The following ASAH2 variants were observed in gnomAD, a reference collection of about 807,000 sequenced individuals.
The protein encoded by ASAH2 is neutral ceramidase.
In ASAH2, 58 loss-of-function variants were observed where a neutral mutation model predicts 82.9. The observed-to-expected ratio is 0.70, with a 90% CI of 0.57 to 0.87. ASAH2 has a LOEUF of 0.87. Ranked by LOEUF, ASAH2 falls within the 40% of genes least tolerant of loss-of-function variation. The pLI is 0.00. For synonymous variants in ASAH2, 276 were observed against 289.7 expected (o/e 0.95, Z 0.48); for missense variants, 779 against 834.0 (o/e 0.93, Z 0.81).
At chr10:50,209,570 A>G (rs1294956699) in intron 12 of ASAH2, among the ~76,000 whole-genome samples, 1 of 151,974 alleles carries the variant, frequency 6.6e-6, no homozygotes, top group Non-Finnish European at 1.5e-5. Context: ...GGTGGTCTCA[A>G]TTTCCTGACC....
At chr10:50,225,622 G>A (rs1223930057) in intron 7 of ASAH2, among the ~76,000 whole-genome samples, 4 of 152,126 alleles carry the variant, frequency 2.6e-5, no homozygotes, top group African/African-American at 9.7e-5. Flanking sequence ...AGATTGGCAA[G>A]AGTATGACAA....
At chr10:50,197,309 T>C (rs1332294644) in intron 17 of ASAH2, among the ~76,000 whole-genome samples, 1 of 151,678 alleles carries the variant, frequency 6.6e-6, no homozygotes, top group African/African-American at 2.4e-5. Context: ...ATTGAGCCAC[T>C]CTCACCTGGA....
chr10:50,198,335 T>A (rs1845046242), intron 17 of ASAH2: 1 of 152,132 alleles, frequency 6.6e-6, no homozygotes, highest in South Asian at 2.1e-4. Flanking sequence ...CATAAACAAC[T>A]GCATCCAAAG....
Position 50,233,243 on chromosome 10 carries a change from G to T in ASAH2, c.834C>A (p.Asp278Glu). 1 of 1,610,800 alleles carries T rather than the reference G, an allele frequency of 6.2e-7. No homozygotes were observed. The highest frequency in any genetic ancestry group is 8.5e-7 in the Non-Finnish European group (1 of 1,177,302). The change falls in exon 7 of 21, where the codon GAC (aspartate) becomes GAA (glutamate). Residue 278 changes from aspartate to glutamate, a missense_variant. By Grantham distance (45) the Asp-to-Glu change is conservative (BLOSUM62 2). Coordinates refer to ENST00000682911, the MANE Select transcript of ASAH2 (RefSeq NM_019893.4). Reference protein sequence around the residue: ...SERARYSSNTDKEMIVLKMVD... With the variant: ...SERARYSSNTEKEMIVLKMVD... Reference sequence around the variant, plus strand: ...CCATTTTCAAAACTATCATTTCCTTGTCTGTATTTGAAGAATACCTAGTCA... The same window carrying T: ...CCATTTTCAAAACTATCATTTCCTTTTCTGTATTTGAAGAATACCTAGTCA...
chr10:50,233,162 T>G, intron 7 of ASAH2, 22 bp downstream of exon 7: 1 of 1,555,026 alleles, frequency 6.4e-7, no homozygotes, highest in Non-Finnish European at 8.9e-7. Flanking sequence ...ACAGAATTAT[T>G]TTTAAAAAGG....
chr10:50,219,383 C>G (rs1300623722), intron 7 of ASAH2, among the ~76,000 whole-genome samples: 1 of 152,136 alleles, frequency 6.6e-6, no homozygotes, highest in Admixed American at 6.5e-5. Context: ...CCCAGAGAAG[C>G]AAAATAATGG....
At chr10:50,246,208 G>C (rs1372882452) in intron 2 of ASAH2, among the ~76,000 whole-genome samples, 1 of 152,094 alleles carries the variant, frequency 6.6e-6, no homozygotes, top group East Asian at 1.9e-4. Context: ...AACTGCCTGG[G>C]TTTGAAACCT....
chr10:50,236,494 A>T (rs1846162311), intron 4 of ASAH2, among the ~76,000 whole-genome samples: 1 of 152,136 alleles, frequency 6.6e-6, no homozygotes, highest in Non-Finnish European at 1.5e-5. Context: ...GATTATGGTA[A>T]CTAAAACTCA....
intron 16 of ASAH2, among the ~76,000 whole-genome samples, chr10:50,200,668 A>G (rs1243373209): frequency 6.6e-6 from 1 of 151,994 alleles, no homozygotes; most frequent in Non-Finnish European, 1.5e-5. Flanking sequence ...CCCAGCTTCC[A>G]GTGATCTTGA....
intron 7 of ASAH2, among the ~76,000 whole-genome samples, chr10:50,226,564 A>T (rs1265390438): frequency 2.6e-5 from 4 of 152,170 alleles, no homozygotes; most frequent in African/African-American, 9.6e-5. Flanking sequence ...GTGTCAATGT[A>T]GGTTCATCAG....
intron 4 of ASAH2, among the ~76,000 whole-genome samples, chr10:50,237,132 C>G (rs1288460497): frequency 6.6e-6 from 1 of 152,064 alleles, no homozygotes; most frequent in African/African-American, 2.4e-5. Flanking sequence ...AAAAGCAACT[C>G]AGGCATAGTG....
chr10:50,231,745 T>G (rs1846026671), intron 7 of ASAH2, among the ~76,000 whole-genome samples: 1 of 152,058 alleles, frequency 6.6e-6, no homozygotes, highest in Non-Finnish European at 1.5e-5. Flanking sequence ...TATTAGGGAG[T>G]TTTTAGTGAC....
intron 8 of ASAH2, among the ~76,000 whole-genome samples, chr10:50,215,924 A>G (rs1249847044): frequency 3.3e-5 from 5 of 152,202 alleles, no homozygotes; most frequent in African/African-American, 9.6e-5. Flanking sequence ...ATGCCCATCA[A>G]TGATAGACTG....
At chr10:50,227,126 A>T (rs1170178987) in intron 7 of ASAH2, among the ~76,000 whole-genome samples, 8 of 152,188 alleles carry the variant, frequency 5.3e-5, no homozygotes, top group African/African-American at 1.9e-4. Context: ...AAAAACAATG[A>T]TTGTCAGAGT....
In ASAH2 at chr10:50,248,412, T is replaced by C; in HGVS notation, c.127+72A>G. The C allele has an allele frequency of 1.9e-6, 3 of 1,552,144 alleles. No individual in the cohort carries two copies. The South Asian group carries it at 3.5e-5, about 18-fold the overall frequency. ...CTATCAGCAGACACTGTTTTTCTCT[T>C]TGGTGTCCACAGTAATCAAGAAGTT... On this transcript the variant is annotated intron_variant, in intron 2 of 20. Transcript: ENST00000682911.
At chr10:50,216,905 A>T (rs1845615415) in intron 8 of ASAH2, among the ~76,000 whole-genome samples, 1 of 152,222 alleles carries the variant, frequency 6.6e-6, no homozygotes, top group Non-Finnish European at 1.5e-5. Flanking sequence ...GGCTAAAGTG[A>T]GAAAATAGTA....
intron 7 of ASAH2, among the ~76,000 whole-genome samples, chr10:50,225,782 T>C (rs909903936): frequency 6.6e-6 from 1 of 152,144 alleles, no homozygotes; most frequent in Non-Finnish European, 1.5e-5. Flanking sequence ...TTGGCAAATA[T>C]GTATCTGTTC....
intron 12 of ASAH2, among the ~76,000 whole-genome samples, chr10:50,209,444 G>A (rs917460140): frequency 5.1e-4 from 77 of 152,078 alleles, no homozygotes; most frequent in Admixed American, 2.0e-4. Context: ...CTGCCTCCCG[G>A]TTTCAAGCGA....
chr10:50,201,193 G>A (rs1397361876), intron 16 of ASAH2, among the ~76,000 whole-genome samples: 3 of 151,876 alleles, frequency 2.0e-5, no homozygotes, highest in Admixed American at 6.6e-5. Context: ...TTCATCCCAC[G>A]GAGAGCTACC....
Sources: gnomAD v4.1 joint callset for allele counts (sites outside exome capture counted in the v4.1 genomes callset) on GRCh38, gnomAD v4.1.1 for gene constraint, MANE v1.5 for transcripts, NCBI Gene and HGNC (gene_info 2026-07-23, HGNC 2026-07-21) for gene names.